GNG12: variants seen among roughly 807,000 people sequenced by gnomAD.
GNG12 encodes guanine nucleotide-binding protein G(I)/G(S)/G(O) subunit gamma-12.
For synonymous variants in GNG12, 28 were observed against 29.7 expected (o/e 0.94, Z 0.19); for missense variants, 69 against 83.8 (o/e 0.82, Z 0.69).
At chr1:67,728,721 G>A (rs1190091353) in intron 2 of GNG12, among the ~76,000 whole-genome samples, 1 of 152,140 alleles carries the variant, frequency 6.6e-6, no homozygotes, top group Non-Finnish European at 1.5e-5. Flanking sequence ...GAGAGGCAGG[G>A]CAGGACAGCT....
At chr1:67,760,541 A>C (rs1462697624) in intron 2 of GNG12, among the ~76,000 whole-genome samples, 1 of 152,222 alleles carries the variant, frequency 6.6e-6, no homozygotes, top group African/African-American at 2.4e-5. Context: ...ATGACCAGGA[A>C]AAACCTGATG....
chr1:67,716,862 C>G (rs1217467722), intron 2 of GNG12, among the ~76,000 whole-genome samples: 3 of 152,122 alleles, frequency 2.0e-5, no homozygotes, highest in Non-Finnish European at 2.9e-5. Context: ...AACAACTGCC[C>G]CAGATTCTAC....
intron 2 of GNG12, among the ~76,000 whole-genome samples, chr1:67,768,626 C>G (rs1646655023): frequency 6.6e-6 from 1 of 152,108 alleles, no homozygotes; most frequent in African/African-American, 2.4e-5. Flanking sequence ...GCAGTGTTTC[C>G]TTTAATATAG....
intron 2 of GNG12, among the ~76,000 whole-genome samples, chr1:67,770,583 G>A (rs553444032): frequency 1.6e-4 from 25 of 152,128 alleles, no homozygotes; most frequent in African/African-American, 5.5e-4. Flanking sequence ...AAGAGAGTCC[G>A]ACTGGAAACC....
intron 1 of GNG12, among the ~76,000 whole-genome samples, chr1:67,821,410 C>G (rs1299201811): frequency 6.6e-6 from 1 of 152,166 alleles, no homozygotes; most frequent in Non-Finnish European, 1.5e-5. Context: ...GATATGGGCT[C>G]AAGGGCAAGG....
rs1308664871 is a variant in GNG12 at position 67,707,609 on chromosome 1, G to A, written c.78C>T (p.Ser26=). 2 of 1,583,196 alleles carry A rather than the reference G, an allele frequency of 1.3e-6. No individual in the cohort carries two copies. The highest frequency in any genetic ancestry group is 1.7e-5 in the Admixed American group (1 of 58,518). Residue 26 remains serine (S), a synonymous_variant, in exon 3 of 4, where the codon TCC becomes TCT. Transcript: ENST00000370982. The part of the protein sequence containing the change: ...RTVQQLRLEA[S]IERIKVSKAS... ...GGCTTCTTACCTTTATTCTTTCAATGGAGGCTTCTAATCTTAACTGCTGCA... is the reference window on the plus strand; with the variant it reads ...GGCTTCTTACCTTTATTCTTTCAATAGAGGCTTCTAATCTTAACTGCTGCA...
chr1:67,773,349 C>T (rs1646685628), intron 2 of GNG12, among the ~76,000 whole-genome samples: 1 of 152,188 alleles, frequency 6.6e-6, no homozygotes, highest in Non-Finnish European at 1.5e-5. Flanking sequence ...TCATTCTCCC[C>T]ACCCTTGATC....
At chr1:67,799,889 T>G (rs1216786397) in intron 1 of GNG12, among the ~76,000 whole-genome samples, 4 of 151,798 alleles carry the variant, frequency 2.6e-5, no homozygotes, top group Non-Finnish European at 2.9e-5. Flanking sequence ...AGACAGCTGG[T>G]TTTTTTTGGT....
chr1:67,705,428 C>T lies in GNG12; in HGVS notation c.*23G>A, dbSNP rs374150257. The T allele has an allele frequency of 2.2e-5, 36 of 1,611,050 alleles. No individual in the cohort carries two copies. The East Asian group carries it at 4.5e-4, about 20-fold the overall frequency. On this transcript the variant is annotated 3_prime_UTR_variant, in exon 4 of 4. Coordinates refer to ENST00000370982, the MANE Select transcript of GNG12 (RefSeq NM_018841.6). ...CATAATTTGCGTTGTTGGGAAGAGG[C>T]GAGGAGCTGTTTCTCTATTCCACTA... is the stretch of plus-strand genomic sequence containing the variant.
chr1:67,826,257 A>C (rs1474342709), intron 1 of GNG12, among the ~76,000 whole-genome samples: 1 of 152,218 alleles, frequency 6.6e-6, no homozygotes, highest in Non-Finnish European at 1.5e-5. Flanking sequence ...CCTTCCATGT[A>C]CACCTAGACT....
At chr1:67,778,180 CA>C (rs748868669) in intron 1 of GNG12, among the ~76,000 whole-genome samples, 1 of 150,816 alleles carries the variant, frequency 6.6e-6, no homozygotes, top group Non-Finnish European at 1.5e-5. Flanking sequence ...ATTTAAAAAG[CA>C]AAAAAGAAAT....
intron 2 of GNG12, among the ~76,000 whole-genome samples, chr1:67,745,564 C>CT (rs1229618977): frequency 2.6e-5 from 4 of 152,304 alleles, no homozygotes; most frequent in African/African-American, 9.6e-5. Context: ...CTTTGCATCT[C>CT]TATTTCTTCT....
intron 2 of GNG12, among the ~76,000 whole-genome samples, chr1:67,757,203 TTAAA>T (rs745367052): frequency 3.3e-5 from 5 of 152,180 alleles, no homozygotes. Flanking sequence ...TTTATATACT[TTAAA>T]TATTGTGTAT....
rs573546696 is a variant in GNG12 at position 67,731,637 on chromosome 1, G to C, written c.-26-23925C>G. On this transcript the variant is annotated intron_variant, in intron 2 of 3. Transcript: ENST00000370982. ...AGAGGCACCATGAAGATCTGGAAGGGTGTAGACTGGAATCAGAAGGTTAGC... is the reference window on the plus strand; with the variant it reads ...AGAGGCACCATGAAGATCTGGAAGGCTGTAGACTGGAATCAGAAGGTTAGC... 2.0e-5 allele frequency among the ~76,000 whole-genome samples: 3 copies of C among 152,342 alleles called. No homozygotes were observed. The East Asian group carries it at 5.8e-4, about 29-fold the overall frequency.
intron 2 of GNG12, among the ~76,000 whole-genome samples, chr1:67,729,484 A>G (rs1325703785): frequency 1.3e-5 from 2 of 152,090 alleles, no homozygotes; most frequent in East Asian, 3.9e-4. Context: ...CCCACTCGCA[A>G]CCAGAGGTGA....
chr1:67,754,180 C>T (rs1264198717), intron 2 of GNG12, among the ~76,000 whole-genome samples: 1 of 152,164 alleles, frequency 6.6e-6, no homozygotes, highest in Non-Finnish European at 1.5e-5. Flanking sequence ...AGCTGGAGGG[C>T]AAGCTCTTGG....
At chr1:67,779,057 ATCT>A (rs1396682275) in intron 1 of GNG12, among the ~76,000 whole-genome samples, 6 of 152,104 alleles carry the variant, frequency 3.9e-5, no homozygotes, top group Admixed American at 1.3e-4. Context: ...TCCATGGAAA[ATCT>A]TCTTTTGGTG....
intron 2 of GNG12, among the ~76,000 whole-genome samples, chr1:67,721,053 A>G (rs528193646): frequency 6.6e-6 from 1 of 152,308 alleles, no homozygotes; most frequent in African/African-American, 2.4e-5. Context: ...GCTCCTAGCC[A>G]TCACTCCACA....
chr1:67,821,343 A>AC (rs199550591), intron 1 of GNG12, among the ~76,000 whole-genome samples: 8 of 152,166 alleles, frequency 5.3e-5, no homozygotes, highest in Admixed American at 2.0e-4. Flanking sequence ...AAAAACAAAA[A>AC]AAAACATCAG....
Sources: allele counts gnomAD v4.1 joint callset (sites outside exome capture counted in the v4.1 genomes callset), GRCh38; gene constraint gnomAD v4.1.1; transcripts MANE v1.5; gene names NCBI Gene and HGNC (gene_info 2026-07-23, HGNC 2026-07-21).